SDK1: variants seen among roughly 807,000 people sequenced by gnomAD.
SDK1 encodes sidekick cell adhesion molecule 1.
SDK1 carries 157 observed loss-of-function variants against 245.5 expected under a neutral mutation model. The ratio of observed to expected loss-of-function variants is 0.64; its 90% CI spans 0.56 to 0.73. The LOEUF (loss-of-function observed/expected upper bound fraction) is 0.73. Ranked by LOEUF, SDK1 falls within the 30% of genes least tolerant of loss-of-function variation. The pLI, the probability that SDK1 is intolerant of heterozygous loss-of-function variation, is 0.00. For synonymous variants in SDK1, 1,647 were observed against 1,278.5 expected, an observed-to-expected ratio of 1.29 and a Z score of -6.15; for missense variants, 3,583 against 3,002.3, an observed-to-expected ratio of 1.19 and a Z score of -4.52.
chr7:4,174,688 A>G (rs1782076250), intron 33 of SDK1, among the ~76,000 whole-genome samples: 1 of 152,148 alleles, frequency 6.6e-6, no homozygotes, highest in Admixed American at 6.5e-5. Flanking sequence ...GGGGGCCAGT[A>G]GGAACCTGTT....
intron 4 of SDK1, among the ~76,000 whole-genome samples, chr7:3,797,913 C>G (rs886918098): frequency 1.3e-5 from 2 of 152,108 alleles, no homozygotes; most frequent in Non-Finnish European, 2.9e-5. Flanking sequence ...TGAGATCATT[C>G]AAATCACTTT....
intron 5 of SDK1, 75 bp from the exon 6 acceptor site, chr7:3,950,848 G>T: frequency 1.8e-6 from 2 of 1,140,144 alleles, no homozygotes. Flanking sequence ...GTCTTGGAAC[G>T]TGTCCCCTCA....
chr7:3,331,155 T>C (rs969816052), intron 1 of SDK1, among the ~76,000 whole-genome samples: 6 of 152,006 alleles, frequency 3.9e-5, no homozygotes, highest in African/African-American at 1.5e-4. Context: ...TCCTAGCTAC[T>C]TGGGAGGCTG....
intron 44 of SDK1, among the ~76,000 whole-genome samples, chr7:4,247,580 C>T (rs1308008786): frequency 4.6e-5 from 7 of 152,252 alleles, no homozygotes; most frequent in African/African-American, 7.2e-5. Flanking sequence ...CATCTCACAG[C>T]GCCGGCCTCG....
chr7:4,204,534 G>C (rs564122695), intron 35 of SDK1, among the ~76,000 whole-genome samples: 1 of 152,240 alleles, frequency 6.6e-6, no homozygotes, highest in South Asian at 2.1e-4. Context: ...AAGTGGGGAG[G>C]GGGTGATGGG....
intron 4 of SDK1, among the ~76,000 whole-genome samples, chr7:3,704,207 C>T (rs1374168095): frequency 2.0e-5 from 3 of 152,068 alleles, no homozygotes; most frequent in African/African-American, 4.8e-5. Flanking sequence ...CAAGTTTCCG[C>T]CAAAGACGTT....
chr7:3,549,799 T>A (rs933233605), intron 1 of SDK1, among the ~76,000 whole-genome samples: 1 of 152,162 alleles, frequency 6.6e-6, no homozygotes, highest in Non-Finnish European at 1.5e-5. Flanking sequence ...TTCTGCTTGT[T>A]GCAGACCAGC....
At chr7:3,434,779 A>G (rs1779970883) in intron 1 of SDK1, among the ~76,000 whole-genome samples, 1 of 152,146 alleles carries the variant, frequency 6.6e-6, no homozygotes, top group African/African-American at 2.4e-5. Context: ...AGTTGGAACC[A>G]TCTGCAGGGA....
intron 5 of SDK1, among the ~76,000 whole-genome samples, chr7:3,913,257 C>A (rs898667323): frequency 6.6e-6 from 1 of 151,872 alleles, no homozygotes; most frequent in African/African-American, 2.4e-5. Context: ...CTGGCCCTTC[C>A]CTCTCCCCTC....
At chr7:3,863,560 C>T (rs1229341874) in intron 5 of SDK1, among the ~76,000 whole-genome samples, 2 of 152,222 alleles carry the variant, frequency 1.3e-5, no homozygotes, top group Non-Finnish European at 2.9e-5. Flanking sequence ...AAACGCTGCA[C>T]TCATTACACC....
At chr7:3,979,018 G>A (rs528838574) in intron 13 of SDK1, among the ~76,000 whole-genome samples, 8 of 152,300 alleles carry the variant, frequency 5.3e-5, no homozygotes, top group South Asian at 4.1e-4. Context: ...GTGGAGGGGC[G>A]GCCCCCACAC....
chr7:3,542,344 A>G (rs991261226), intron 1 of SDK1, among the ~76,000 whole-genome samples: 1 of 152,234 alleles, frequency 6.6e-6, no homozygotes, highest in African/African-American at 2.4e-5. Flanking sequence ...ATTACATTTC[A>G]GAAGGGTCCT....
chr7:3,482,318 G>C lies in SDK1; in HGVS notation c.299-136762G>C, dbSNP rs187511990. Reference sequence around the variant, plus strand: ...GAAAAAGGGCAAGCCAGACTCTAGGGAGGGCAGCGAGCTCTTAGACTGCCT... The same window carrying C: ...GAAAAAGGGCAAGCCAGACTCTAGGCAGGGCAGCGAGCTCTTAGACTGCCT... On this transcript the variant is annotated intron_variant, in intron 1 of 44. Coordinates refer to ENST00000404826, the MANE Select transcript of SDK1 (RefSeq NM_152744.4). Among the ~76,000 whole-genome samples the C allele has an allele frequency of 2.4e-3, 361 of 152,292 alleles. 3 individuals carry two copies. Among genetic ancestry groups the C allele is most frequent in the South Asian group, 0.018 (85 of 4,820 alleles).
At chr7:3,808,645 T>C (rs1779309397) in intron 4 of SDK1, among the ~76,000 whole-genome samples, 1 of 152,172 alleles carries the variant, frequency 6.6e-6, no homozygotes, top group African/African-American at 2.4e-5. Context: ...CCCAGCCTTG[T>C]TGATAAATCA....
At position 3,656,969 on chromosome 7, in the gene SDK1, A is replaced by G. The variant is rs11978956; in HGVS notation, c.713+14864A>G. 5.3e-5 allele frequency among the ~76,000 whole-genome samples: 8 copies of G among 151,420 alleles called. No homozygotes were observed. In the East Asian group the frequency reaches 1.2e-3, roughly 22 times the overall value. On this transcript the variant is annotated intron_variant, in intron 4 of 44. Coordinates refer to ENST00000404826, the MANE Select transcript of SDK1 (RefSeq NM_152744.4). ...TCACCTTGTTAGCCAGGATGGTCTC[A>G]ATCTCCTGACCTCATGATCCACCCG...
intron 5 of SDK1, among the ~76,000 whole-genome samples, chr7:3,842,309 G>A (rs766892807): frequency 2.6e-5 from 4 of 152,178 alleles, no homozygotes; most frequent in Non-Finnish European, 4.4e-5. Context: ...GGGAGATGAT[G>A]CCTCCACTGG....
At chr7:3,679,211 G>A (rs1400626022) in intron 4 of SDK1, among the ~76,000 whole-genome samples, 1 of 152,200 alleles carries the variant, frequency 6.6e-6, no homozygotes, top group Non-Finnish European at 1.5e-5. Flanking sequence ...TCTTTCAAAG[G>A]ACTTTTATCT....
intron 5 of SDK1, among the ~76,000 whole-genome samples, chr7:3,861,677 A>G (rs911352765): frequency 2.0e-5 from 3 of 152,228 alleles, no homozygotes; most frequent in African/African-American, 7.2e-5. Flanking sequence ...TGTCTTCATG[A>G]GCCTGAAGTA....
chr7:4,217,346 C>T (rs191007030), intron 38 of SDK1, among the ~76,000 whole-genome samples: 22 of 103,256 alleles, frequency 2.1e-4, no homozygotes, highest in Admixed American at 3.4e-4. Flanking sequence ...AGAACCACGC[C>T]ACCCGGAGAA....
Sources: allele counts gnomAD v4.1 joint callset (sites outside exome capture counted in the v4.1 genomes callset), GRCh38; gene constraint gnomAD v4.1.1; transcripts MANE v1.5; gene names NCBI Gene and HGNC (gene_info 2026-07-23, HGNC 2026-07-21).